RASSF3: variants seen among roughly 807,000 people sequenced by gnomAD.
The protein encoded by RASSF3 is Ras association domain family member 3.
A neutral mutation model predicts 19.9 loss-of-function variants in RASSF3; 19 were observed. The ratio of observed to expected loss-of-function variants is 0.96; its 90% CI spans 0.67 to 1.40. The LOEUF (loss-of-function observed/expected upper bound fraction) is 1.40, where lower values mean the gene tolerates loss of function less well. Ranked by LOEUF, RASSF3 falls within the 40% of genes most tolerant of loss-of-function variation. RASSF3 has a pLI of 0.00. For synonymous variants in RASSF3, 110 were observed against 104.2 expected (o/e 1.06, Z -0.34); for missense variants, 306 against 289.8 (o/e 1.06, Z -0.41).
chr12:64,666,050 G>C (rs552788837), intron 1 of RASSF3, among the ~76,000 whole-genome samples: 1 of 152,354 alleles, frequency 6.6e-6, no homozygotes, highest in Non-Finnish European at 1.5e-5. Flanking sequence ...CTGAGATTTA[G>C]AAAGTAATGA....
At chr12:64,579,185 C>A (rs1869645564) in intron 2 of RASSF3, among the ~76,000 whole-genome samples, 1 of 151,796 alleles carries the variant, frequency 6.6e-6, no homozygotes, top group African/African-American at 2.4e-5. Flanking sequence ...AATGACACAA[C>A]CGTGTTAGAA....
chr12:64,677,971 G>T (rs1388891131), intron 1 of RASSF3, among the ~76,000 whole-genome samples: 1 of 152,106 alleles, frequency 6.6e-6, no homozygotes, highest in Non-Finnish European at 1.5e-5. Flanking sequence ...ATGCTTCATT[G>T]CAAACCTGCT....
chr12:64,589,005 A>G (rs1869867193), intron 2 of RASSF3, among the ~76,000 whole-genome samples: 1 of 152,224 alleles, frequency 6.6e-6, no homozygotes, highest in African/African-American at 2.4e-5. Context: ...AAAAGCTGTC[A>G]TGACCCAAAT....
chr12:64,509,734 T>A (rs1466471282), intron 1 of RASSF3, among the ~76,000 whole-genome samples: 1 of 152,228 alleles, frequency 6.6e-6, no homozygotes, highest in African/African-American at 2.4e-5. Flanking sequence ...CTCATTAGTT[T>A]GGAGATTGAT....
At chr12:64,686,846 A>G (rs945203040) in intron 2 of RASSF3, among the ~76,000 whole-genome samples, 7 of 152,144 alleles carry the variant, frequency 4.6e-5, no homozygotes, top group African/African-American at 1.4e-4. Context: ...CAAACTAGAG[A>G]ATTAGGATTG....
chr12:64,688,613 TC>T (rs1873453420), intron 3 of RASSF3, among the ~76,000 whole-genome samples, 160 bp downstream of exon 3: 1 of 152,182 alleles, frequency 6.6e-6, no homozygotes, highest in African/African-American at 2.4e-5. Context: ...ACTTAGTGCT[TC>T]CTGGCTGTCC....
upstream of RASSF3, chr12:64,610,381 C>A (rs968136895): frequency 6.7e-6 from 1 of 149,928 alleles, no homozygotes; most frequent in South Asian, 2.1e-4. Flanking sequence ...CGGGGTGGGG[C>A]TCGGCCGGTC....
upstream of RASSF3, among the ~76,000 whole-genome samples, chr12:64,532,968 G>T (rs12316944): frequency 0.15 from 22,976 of 152,224 alleles, 2,263 homozygotes; most frequent in African/African-American, 0.28. Flanking sequence ...TGGGTCCAGA[G>T]GCCTTAACCA....
At chr12:64,573,426 A>G (rs1439022577) in intron 2 of RASSF3, among the ~76,000 whole-genome samples, 2 of 152,248 alleles carry the variant, frequency 1.3e-5, no homozygotes, top group African/African-American at 2.4e-5. Context: ...CATGTTTACA[A>G]CAATCCAATG....
At chr12:64,654,654 G>T (rs1209288384) in intron 1 of RASSF3, 3 of 68,570 alleles carry the variant, frequency 4.4e-5, no homozygotes, top group Non-Finnish European at 9.3e-5. Flanking sequence ...GGGGGGGGGG[G>T]GGTGGGGGGA....
intron 1 of RASSF3, among the ~76,000 whole-genome samples, chr12:64,524,279 A>T (rs111939907): frequency 0.031 from 4,721 of 150,442 alleles, 230 homozygotes; most frequent in African/African-American, 0.11. Flanking sequence ...TAGAATCAGG[A>T]TTTCACCATG....
intron 2 of RASSF3, among the ~76,000 whole-genome samples, chr12:64,554,383 C>T (rs1354503005): frequency 6.6e-6 from 1 of 152,202 alleles, no homozygotes; most frequent in Non-Finnish European, 1.5e-5. Flanking sequence ...TGGCTCACTG[C>T]AACCTTTGCC....
chr12:64,607,177 G>A (rs1592415692), upstream of RASSF3, among the ~76,000 whole-genome samples: 1 of 151,268 alleles, frequency 6.6e-6, no homozygotes, highest in Admixed American at 6.6e-5. Context: ...CCAGCTACTC[G>A]GGAGGCTGAG....
At position 64,694,801 on chromosome 12, in the gene RASSF3, G is replaced by A; in HGVS notation, c.606G>A (p.Leu202=). ...AFSLPELQNF[L]RILDKEEDEQ... ...GCCTTCCAGAACTACAGAATTTCTT[G>A]CGCATCTTGGACAAGGAAGAAGATG... Residue 202 remains leucine (L), a synonymous_variant, in exon 5 of 5, where the codon TTG becomes TTA. Coordinates refer to ENST00000542104, the MANE Select transcript of RASSF3 (RefSeq NM_178169.4). 6.2e-7 allele frequency: 1 copy of A among 1,614,186 alleles called. No homozygotes were observed. Among genetic ancestry groups the A allele is most frequent in the Non-Finnish European group, 8.5e-7 (1 of 1,180,030 alleles).
chr12:64,670,541 TCTC>T (rs1872667379), intron 1 of RASSF3, among the ~76,000 whole-genome samples: 1 of 115,296 alleles, frequency 8.7e-6, no homozygotes, highest in Non-Finnish European at 1.9e-5. Flanking sequence ...TTTCTCTCTC[TCTC>T]TTTTTTTTTT....
At chr12:64,578,560 G>A (rs993090570) in intron 2 of RASSF3, among the ~76,000 whole-genome samples, 3 of 152,164 alleles carry the variant, frequency 2.0e-5, no homozygotes, top group African/African-American at 4.8e-5. Flanking sequence ...TCTGGACACT[G>A]AGGTGGGAGG....
At position 64,641,134 on chromosome 12, in the gene RASSF3, G is replaced by T. The variant is rs573474070; in HGVS notation, c.111+30391G>T. 6.6e-5 allele frequency among the ~76,000 whole-genome samples: 10 copies of T among 152,166 alleles called. No individual in the cohort carries two copies. The South Asian group carries it at 1.7e-3, about 25-fold the overall frequency. On this transcript the variant is annotated intron_variant, in intron 1 of 4. Transcript: ENST00000542104. The stretch of plus-strand genomic sequence containing the variant: ...GGTGATGTTAAAGTTGAAAATAAAG[G>T]CCTGTAATCCCAGCACTTTGGGAGG...
rs1868366778 is a variant in RASSF3 at position 64,696,367 on chromosome 12, C to G, written c.*1455C>G. 1 of 152,086 alleles carries G rather than the reference C, an allele frequency of 6.6e-6. No individual in the cohort carries two copies. Among genetic ancestry groups the G allele is most frequent in the East Asian group, 1.9e-4 (1 of 5,186 alleles). The allele number at this position is 152,086 out of a possible 1,614,324, so 9.4% of individuals were successfully genotyped here. On this transcript the variant is annotated 3_prime_UTR_variant, in exon 5 of 5. Coordinates refer to ENST00000542104, the MANE Select transcript of RASSF3 (RefSeq NM_178169.4). Reference sequence around the variant, plus strand: ...CATGTTATTACCAACCAAAGAGATGCATGTGCAATAGAAGCCTTCCTTAAA... The same window carrying G: ...CATGTTATTACCAACCAAAGAGATGGATGTGCAATAGAAGCCTTCCTTAAA...
At chr12:64,641,415 C>CACACACACACACACACACACACAT in intron 1 of RASSF3, among the ~76,000 whole-genome samples, 1 of 133,958 alleles carries the variant, frequency 7.5e-6, no homozygotes, top group African/African-American at 3.5e-5. Flanking sequence ...CACACACACA[C>CACACACACACACACACACACACAT]GCGCGCGCGC....
Sources: gnomAD v4.1 joint callset for allele counts (sites outside exome capture counted in the v4.1 genomes callset) on GRCh38, gnomAD v4.1.1 for gene constraint, MANE v1.5 for transcripts, NCBI Gene and HGNC (gene_info 2026-07-23, HGNC 2026-07-21) for gene names.